The following LRRC7 variants were observed in gnomAD, a reference collection of about 807,000 sequenced individuals.
The protein encoded by LRRC7 is leucine-rich repeat-containing protein 7.
Under a neutral mutation model 175.7 loss-of-function variants are expected in LRRC7, and 23 were observed. The observed-to-expected ratio is 0.13, with a 90% confidence interval of 0.09 to 0.19. The LOEUF (loss-of-function observed/expected upper bound fraction) is 0.19. Ranked by LOEUF, LRRC7 falls within the 10% of genes least tolerant of loss-of-function variation. LRRC7 has a pLI of 1.00. For synonymous variants in LRRC7, 685 were observed against 680.9 expected (o/e 1.01, Z -0.09); for missense variants, 1,354 against 1,904.7 (o/e 0.71, Z 5.38).
chr1:69,685,237 T>G (rs754235774), intron 2 of LRRC7, among the ~76,000 whole-genome samples: 8 of 152,132 alleles, frequency 5.3e-5, no homozygotes, highest in Non-Finnish European at 1.0e-4. Context: ...AAGCTAAACC[T>G]AAACAGGATA....
intron 7 of LRRC7, among the ~76,000 whole-genome samples, chr1:69,842,034 T>C (rs1424069324): frequency 2.0e-5 from 3 of 152,096 alleles, no homozygotes. Flanking sequence ...GGCATAATAG[T>C]TAAGACATGA....
chr1:69,653,294 T>C (rs375679261), intron 1 of LRRC7, among the ~76,000 whole-genome samples: 1 of 146,808 alleles, frequency 6.8e-6, no homozygotes, highest in Non-Finnish European at 1.5e-5. Context: ...TTTTTTTTAA[T>C]TTTTTTATTA....
At chr1:70,067,766 T>C (rs1024693054) in intron 23 of LRRC7, among the ~76,000 whole-genome samples, 3 of 152,136 alleles carry the variant, frequency 2.0e-5, no homozygotes, top group Non-Finnish European at 4.4e-5. Flanking sequence ...TCTCCACTTA[T>C]TTAAATCTTC....
chr1:69,712,301 GTATTT>G (rs1334412072), intron 2 of LRRC7, among the ~76,000 whole-genome samples: 4 of 151,954 alleles, frequency 2.6e-5, no homozygotes, highest in African/African-American at 7.2e-5. Context: ...ATTTTCTAAA[GTATTT>G]TATTTAGGAA....
intron 1 of LRRC7, among the ~76,000 whole-genome samples, chr1:69,645,955 A>G (rs1209018556): frequency 1.3e-5 from 2 of 152,262 alleles, no homozygotes; most frequent in East Asian, 1.9e-4. Context: ...GTCAAAGGCC[A>G]TATTGTATTA....
chr1:70,039,926 T>A, intron 21 of LRRC7, 133 bp downstream of exon 21: 1 of 1,210,510 alleles, frequency 8.3e-7, no homozygotes, highest in Non-Finnish European at 1.1e-6. Context: ...TATCTTTATA[T>A]TGTGGGGAAA....
intron 7 of LRRC7, among the ~76,000 whole-genome samples, chr1:69,877,333 A>C (rs1686130067): frequency 6.6e-6 from 1 of 152,134 alleles, no homozygotes; most frequent in African/African-American, 2.4e-5. Flanking sequence ...TACACCTATA[A>C]TCCCATTGCT....
intron 26 of LRRC7, among the ~76,000 whole-genome samples, chr1:70,118,061 A>G (rs1234210343): frequency 1.7e-5 from 2 of 115,774 alleles, no homozygotes; most frequent in Non-Finnish European, 3.8e-5. Flanking sequence ...CTCTTCTTCT[A>G]TGCACACACA....
At chr1:70,010,628 T>G (rs1464357156) in intron 11 of LRRC7, among the ~76,000 whole-genome samples, 1 of 152,206 alleles carries the variant, frequency 6.6e-6, no homozygotes, top group Non-Finnish European at 1.5e-5. Context: ...AATTCATTTT[T>G]CCCTTTACAT....
At chr1:69,613,381 C>G (rs1649111286) in intron 1 of LRRC7, among the ~76,000 whole-genome samples, 1 of 152,034 alleles carries the variant, frequency 6.6e-6, no homozygotes, top group Non-Finnish European at 1.5e-5. Flanking sequence ...AAAGGCCTCA[C>G]CTCTAGATAT....
intron 9 of LRRC7, 150 bp downstream of exon 9, chr1:69,980,603 T>A: frequency 4.2e-6 from 1 of 238,866 alleles, no homozygotes; most frequent in Non-Finnish European, 7.6e-6. Flanking sequence ...GTTTTCACCA[T>A]TTTTTTTTTT....
At chr1:69,643,806 G>A (rs1336247891) in intron 1 of LRRC7, among the ~76,000 whole-genome samples, 1 of 152,000 alleles carries the variant, frequency 6.6e-6, no homozygotes, top group Non-Finnish European at 1.5e-5. Flanking sequence ...GATTTGGAAA[G>A]AAGGCCAAGT....
chr1:69,652,669 AAAGGACTCTG>A (rs1213889430), intron 1 of LRRC7, among the ~76,000 whole-genome samples: 13 of 152,092 alleles, frequency 8.5e-5, no homozygotes. Context: ...ATGGAACCTC[AAAGGACTCTG>A]AATAGCCATA....
At chr1:69,943,678 C>G (rs1330372689) in intron 8 of LRRC7, among the ~76,000 whole-genome samples, 1 of 151,996 alleles carries the variant, frequency 6.6e-6, no homozygotes, top group African/African-American at 2.4e-5. Context: ...CAAGTGAACA[C>G]TTTTCCAGGC....
intron 1 of LRRC7, among the ~76,000 whole-genome samples, chr1:69,632,092 T>C (rs914422652): frequency 2.0e-5 from 3 of 152,194 alleles, no homozygotes; most frequent in African/African-American, 7.2e-5. Context: ...GGTTATCTAA[T>C]AAAATGTCTT....
intron 2 of LRRC7, among the ~76,000 whole-genome samples, chr1:69,722,012 A>T (rs941471782): frequency 6.6e-5 from 10 of 152,072 alleles, no homozygotes; most frequent in Admixed American, 4.6e-4. Flanking sequence ...CTAAATGATA[A>T]ACTGAAAATA....
At chr1:69,671,981 GT>G (rs1474799323) in intron 1 of LRRC7, among the ~76,000 whole-genome samples, 1 of 152,008 alleles carries the variant, frequency 6.6e-6, no homozygotes, top group Non-Finnish European at 1.5e-5. Context: ...TGTTCACCTG[GT>G]TTTTGGTTCT....
chr1:69,685,691 T>C (rs953573361), intron 2 of LRRC7, among the ~76,000 whole-genome samples: 6 of 151,948 alleles, frequency 3.9e-5, no homozygotes, highest in Non-Finnish European at 2.9e-5. Flanking sequence ...AAGGAGAATA[T>C]ACACTAAACA....
rs533709929 is a variant in LRRC7, at chr1:69,868,298, T to C, written c.647+30015T>C. 2.6e-5 allele frequency among the ~76,000 whole-genome samples: 4 copies of C among 152,304 alleles called. No homozygotes were observed. In the South Asian group the frequency reaches 6.2e-4, roughly 24 times the overall value. On this transcript the variant is annotated intron_variant, in intron 7 of 26. Transcript: ENST00000651989. ...AAGGAAAATAATTAAACAGTTATAA[T>C]GCTCACATTAGGGTTAAGAGTTTAT... is the stretch of plus-strand genomic sequence containing the variant.
Sources: allele counts gnomAD v4.1 joint callset (sites outside exome capture counted in the v4.1 genomes callset), GRCh38; gene constraint gnomAD v4.1.1; transcripts MANE v1.5; gene names NCBI Gene and HGNC (gene_info 2026-07-23, HGNC 2026-07-21).